The following LRP8 variants were observed in gnomAD, a reference collection of about 807,000 sequenced individuals.
LRP8 encodes low-density lipoprotein receptor-related protein 8.
Under a neutral mutation model 111.6 loss-of-function variants are expected in LRP8, and 46 were observed. That is an observed-to-expected ratio of 0.41 (90% CI 0.33 to 0.53). The LOEUF is 0.53. Ranked by LOEUF, LRP8 falls within the 20% of genes least tolerant of loss-of-function variation. The pLI is 0.20. For missense variants in LRP8, 959 were observed against 1,297.4 expected, an observed-to-expected ratio of 0.74 and a Z score of 4.01; for synonymous variants, 464 against 511.2, an observed-to-expected ratio of 0.91 and a Z score of 1.24.
At chr1:53,302,856 A>ATTTTTTTTTTTTTT (rs769628078) in intron 2 of LRP8, among the ~76,000 whole-genome samples, 2 of 126,604 alleles carry the variant, frequency 1.6e-5, no homozygotes, top group African/African-American at 3.0e-5. Flanking sequence ...CACCCAGCTA[A>ATTTTTTTTTTTTTT]TTTTTTTTTT....
intron 2 of LRP8, among the ~76,000 whole-genome samples, chr1:53,314,695 C>T (rs913327767): frequency 2.0e-5 from 3 of 152,174 alleles, no homozygotes; most frequent in South Asian, 2.1e-4. Context: ...AGTCCCCGGA[C>T]GCATTGGACC....
intron 3 of LRP8, among the ~76,000 whole-genome samples, chr1:53,285,758 G>A (rs1647441740): frequency 6.6e-6 from 1 of 152,246 alleles, no homozygotes; most frequent in East Asian, 1.9e-4. Context: ...CCCATCCCAG[G>A]ACAGCCACTC....
rs185420786 is a variant in LRP8, at chr1:53,263,208, C to T, written c.1656-644G>A. ...GGTCTGCATGAGAACAGACAGAGAA[C>T]AGGGATGAAGTGAGGGTAAGAGGAG... On this transcript the variant is annotated intron_variant, in intron 10 of 18. Transcript: ENST00000306052. 1.2e-3 allele frequency among the ~76,000 whole-genome samples: 181 copies of T among 152,254 alleles called. 2 individuals are homozygous for T. Among genetic ancestry groups the T allele is most frequent in the African/African-American group, 4.2e-3 (174 of 41,542 alleles).
At chr1:53,308,560 G>C (rs1411210220) in intron 2 of LRP8, among the ~76,000 whole-genome samples, 1 of 152,222 alleles carries the variant, frequency 6.6e-6, no homozygotes, top group African/African-American at 2.4e-5. Context: ...TGTAAGCAGA[G>C]GGCTGAATTA....
At chr1:53,311,204 C>T (rs925587859) in intron 2 of LRP8, among the ~76,000 whole-genome samples, 7 of 152,058 alleles carry the variant, frequency 4.6e-5, no homozygotes, top group African/African-American at 7.2e-5. Flanking sequence ...CCCCCAACAC[C>T]GAGTGAGGGG....
intron 6 of LRP8, among the ~76,000 whole-genome samples, 155 bp from the exon 7 acceptor site, chr1:53,271,501 A>G (rs905237821): frequency 1.3e-5 from 2 of 151,812 alleles, no homozygotes; most frequent in African/African-American, 4.8e-5. Flanking sequence ...AGCCTCATCT[A>G]CCAGGTGTTC....
At position 53,242,858 on chromosome 1, in the gene LRP8, T is replaced by TATATACACAC. The variant is rs56722919; in HGVS notation, c.*4159_*4160insGTGTGTATAT. ...TTAAATATATATATATATATATATA[T>TATATACACAC]ACACACACACACACGTGGCTTTTTA... is the stretch of plus-strand genomic sequence containing the variant. On this transcript the variant is annotated 3_prime_UTR_variant, in exon 19 of 19. Transcript: ENST00000306052. The TATATACACAC allele has an allele frequency of 7.8e-4, 110 of 140,616 alleles. No individual in the cohort carries two copies. The highest frequency in any genetic ancestry group is 2.2e-3 in the East Asian group (11 of 4,906). The allele number at this position is 140,616 out of a possible 1,614,324, so 8.7% of individuals were successfully genotyped here.
intron 2 of LRP8, among the ~76,000 whole-genome samples, chr1:53,316,961 C>G (rs111627524): frequency 0.01 from 1,529 of 152,178 alleles, 31 homozygotes; most frequent in African/African-American, 0.035. Context: ...TTGGTTTGGG[C>G]AGACTTAGCG....
At position 53,266,556 on chromosome 1, in the gene LRP8, C is replaced by A; in HGVS notation, c.1344G>T (p.Met448Ile). The A allele has an allele frequency of 6.2e-7, 1 of 1,614,226 alleles. No homozygotes were observed. The highest frequency in any genetic ancestry group is 8.5e-7 in the Non-Finnish European group (1 of 1,180,042). ...CATCTAGTGCCACGACATTCTTGAGCATGGGGATGAGGCGTGAATAGTTCC... is the reference window on the plus strand; with the variant it reads ...CATCTAGTGCCACGACATTCTTGAGAATGGGGATGAGGCGTGAATAGTTCC... ...VKRNYSRLIP[M>I]LKNVVALDVE... The change falls in exon 9 of 19, where the codon ATG becomes ATT. Residue 448 changes from methionine to isoleucine, a missense_variant. Physicochemically the swap from Met to Ile is conservative, Grantham distance 10. Coordinates refer to ENST00000306052, the MANE Select transcript of LRP8 (RefSeq NM_004631.5). The surrounding 1 kb of genome is among the most constrained non-coding windows in gnomAD (Gnocchi z 5.0).
chr1:53,260,740 G>A (rs557325373), intron 12 of LRP8, 135 bp from the exon 13 acceptor site: 47 of 809,028 alleles, frequency 5.8e-5, no homozygotes, highest in Admixed American at 1.3e-4. Flanking sequence ...ATGGATTCAC[G>A]GTGGGGCTCT....
chr1:53,275,809 TC>T lies in LRP8; in HGVS notation c.884-57del. ...GAGTCAGTGTGGTGCTAGGACAATT[TC>T]CCCACCACCCCAATCCCCATGCCAT... On this transcript the variant is annotated intron_variant, in intron 5 of 18. Coordinates refer to ENST00000306052, the MANE Select transcript of LRP8 (RefSeq NM_004631.5). This position sits in a 1 kb window ranked among gnomAD's most constrained non-coding sequence, Gnocchi z 4.4. 3 of 1,586,272 alleles carry T rather than the reference TC, an allele frequency of 1.9e-6. No individual in the cohort carries two copies.
chr1:53,291,545 C>T (rs948333422), intron 2 of LRP8, among the ~76,000 whole-genome samples: 8 of 152,322 alleles, frequency 5.3e-5, no homozygotes, highest in Admixed American at 3.3e-4. Context: ...CTTCCCCCAC[C>T]TCTCACCTTC....
At position 53,249,503 on chromosome 1, in the gene LRP8, G is replaced by A; in HGVS notation, c.2730C>T (p.Thr910=). ...PLWAEPCLGE[T]REPEDPAPAL... ...CAGGGGCTGGGTCTTCCGGTTCTCT[G>A]GTCTCCCCAAGACAGGGCTCTGCCC... is the stretch of plus-strand genomic sequence containing the variant. Residue 910 remains threonine (T), a synonymous_variant, in exon 18 of 19, where the codon ACC becomes ACT. Coordinates refer to ENST00000306052, the MANE Select transcript of LRP8 (RefSeq NM_004631.5). The surrounding 1 kb of genome is among the most constrained non-coding windows in gnomAD (Gnocchi z 4.1). 6.2e-7 allele frequency: 1 copy of A among 1,613,162 alleles called. No individual in the cohort carries two copies. Among genetic ancestry groups the A allele is most frequent in the Non-Finnish European group, 8.5e-7 (1 of 1,179,252 alleles).
Position 53,293,191 on chromosome 1 carries a change from C to T in LRP8, c.245-3502G>A, listed in dbSNP as rs760956214. Among the ~76,000 whole-genome samples, 3 of 152,260 alleles carry T rather than the reference C, an allele frequency of 2.0e-5. No individual in the cohort carries two copies. The highest frequency in any genetic ancestry group is 4.4e-5 in the Non-Finnish European group (3 of 68,050). On this transcript the variant is annotated intron_variant, in intron 2 of 18. Transcript: ENST00000306052. The surrounding 1 kb of genome is among the most constrained non-coding windows in gnomAD (Gnocchi z 4.9). Reference sequence around the variant, plus strand: ...CTGAAAGCCTGGGGGTGATCTTGTCCTCCTCCATGTGCCAAGCCCTGGCAG... The same window carrying T: ...CTGAAAGCCTGGGGGTGATCTTGTCTTCCTCCATGTGCCAAGCCCTGGCAG...
rs74559277 is a variant in LRP8 at position 53,253,039 on chromosome 1, T to A, written c.2503+2078A>T. Among the ~76,000 whole-genome samples, 425 of 152,188 alleles carry A rather than the reference T, an allele frequency of 2.8e-3. 1 individual carries two copies. Among genetic ancestry groups the A allele is most frequent in the South Asian group, 9.1e-3 (44 of 4,814 alleles). Reference sequence around the variant, plus strand: ...AGAAGTATGGATTATTCAATGATGGTTTTGGGGAAACTAGACAGGTATATA... The same window carrying A: ...AGAAGTATGGATTATTCAATGATGGATTTGGGGAAACTAGACAGGTATATA... On this transcript the variant is annotated intron_variant, in intron 16 of 18. Coordinates refer to ENST00000306052, the MANE Select transcript of LRP8 (RefSeq NM_004631.5).
intron 15 of LRP8, among the ~76,000 whole-genome samples, chr1:53,256,709 A>T (rs1205665530): frequency 6.6e-6 from 1 of 152,254 alleles, no homozygotes; most frequent in African/African-American, 2.4e-5. Flanking sequence ...CCAATGATTT[A>T]ATAAGTGGTG....
At chr1:53,320,007 G>A (rs562571232) in intron 2 of LRP8, among the ~76,000 whole-genome samples, 17 of 152,380 alleles carry the variant, frequency 1.1e-4, no homozygotes, top group African/African-American at 3.8e-4. Flanking sequence ...ACTGACCAGC[G>A]GGGCCACCCG....
At chr1:53,269,901 T>C (rs987120337) in intron 8 of LRP8, among the ~76,000 whole-genome samples, 2 of 152,202 alleles carry the variant, frequency 1.3e-5, no homozygotes, top group Non-Finnish European at 2.9e-5. Flanking sequence ...GTGTTCAATA[T>C]AAACAACTGA....
Position 53,266,727 on chromosome 1 carries a change from T to A in LRP8, c.1253-80A>T, listed in dbSNP as rs1646577243. The A allele has an allele frequency of 7.5e-7, 1 of 1,331,096 alleles. No individual in the cohort carries two copies. The highest frequency in any genetic ancestry group is 1.4e-5 in the African/African-American group (1 of 69,414). The allele number at this position is 1,331,096 out of a possible 1,614,324, so 82.5% of individuals were successfully genotyped here. ...GGAGACCAAGACTCTGCCACTGGCT[T>A]GCTGGCTGACACATCCATTTTCCTT... is the stretch of plus-strand genomic sequence containing the variant. On this transcript the variant is annotated intron_variant, in intron 8 of 18. Coordinates refer to ENST00000306052, the MANE Select transcript of LRP8 (RefSeq NM_004631.5). The surrounding 1 kb of genome is among the most constrained non-coding windows in gnomAD (Gnocchi z 5.0).
Sources: allele counts gnomAD v4.1 joint callset (sites outside exome capture counted in the v4.1 genomes callset), GRCh38; gene constraint gnomAD v4.1.1; non-coding constraint Gnocchi (gnomAD v3.1); transcripts MANE v1.5; gene names NCBI Gene and HGNC (gene_info 2026-07-23, HGNC 2026-07-21).